The following UBXN11 variants were observed in gnomAD, a reference collection of about 807,000 sequenced individuals.
UBXN11 encodes UBX domain-containing protein 11.
Under a neutral mutation model 62.8 loss-of-function variants are expected in UBXN11, and 47 were observed. The ratio of observed to expected loss-of-function variants is 0.75; its 90% CI spans 0.59 to 0.95. UBXN11 has a LOEUF of 0.95. Among genes scored for constraint, UBXN11 ranks in the 40% least tolerant of loss-of-function variants. The probability of loss-of-function intolerance (pLI) is 0.00; values close to 1 mark genes in which losing one functional copy is unlikely to be tolerated. For synonymous variants in UBXN11, 294 were observed against 267.0 expected (o/e 1.10, Z -0.99); for missense variants, 638 against 661.7 (o/e 0.96, Z 0.39).
In UBXN11 at chr1:26,282,304, G is replaced by GGGGGCT. The variant is rs146441030; in HGVS notation, c.1552_1557dup (p.Ser518_Pro519dup). On this transcript the variant is annotated inframe_insertion, in exon 15 of 15. Transcript: ENST00000374222. Reference sequence around the variant, plus strand: ...GGGTTGAGGGGGCGGGTGCTTTATTGGGGGCTGGGACTGGGTCCAGGACAG... The same window carrying GGGGGCT: ...GGGTTGAGGGGGCGGGTGCTTTATTGGGGGCTGGGGCTGGGACTGGGTCCAGGACAG... 94 of 1,475,826 alleles carry GGGGGCT rather than the reference G, an allele frequency of 6.4e-5. No individual in the cohort carries two copies. In the African/African-American group the frequency reaches 1.4e-3, roughly 21 times the overall value. The allele number at this position is 1,475,826 out of a possible 1,614,324, so 91.4% of individuals were successfully genotyped here.
chr1:26,316,125 A>ATTTTT (rs57889417), intron 1 of UBXN11, among the ~76,000 whole-genome samples: 1 of 91,464 alleles, frequency 1.1e-5, no homozygotes, highest in Non-Finnish European at 2.1e-5. Flanking sequence ...TGCCCGGCTA[A>ATTTTT]TTTTTTTTTT....
intron 1 of UBXN11, among the ~76,000 whole-genome samples, chr1:26,316,125 A>ATTTTTT (rs57889417): frequency 1.1e-4 from 10 of 91,464 alleles, no homozygotes; most frequent in African/African-American, 3.7e-4. Flanking sequence ...TGCCCGGCTA[A>ATTTTTT]TTTTTTTTTT....
intron 8 of UBXN11, among the ~76,000 whole-genome samples, chr1:26,288,327 G>A (rs568682586): frequency 1.3e-5 from 2 of 152,274 alleles, no homozygotes; most frequent in African/African-American, 4.8e-5. Context: ...GCCAAGAAAC[G>A]ACGAAGGGGA....
chr1:26,287,107 C>A (rs573644317), intron 8 of UBXN11, among the ~76,000 whole-genome samples: 1 of 152,190 alleles, frequency 6.6e-6, no homozygotes, highest in Admixed American at 6.5e-5. Context: ...GGAAGGGAGC[C>A]GGGGCTGACT....
chr1:26,285,729 C>A, intron 9 of UBXN11, 94 bp downstream of exon 9: 6 of 1,474,646 alleles, frequency 4.1e-6, no homozygotes, highest in Non-Finnish European at 5.5e-6. Flanking sequence ...CCGTGGAGGG[C>A]AGGCTGGGCC....
intron 4 of UBXN11, among the ~76,000 whole-genome samples, chr1:26,299,815 C>T (rs1330968008): frequency 6.6e-6 from 1 of 151,840 alleles, no homozygotes; most frequent in Non-Finnish European, 1.5e-5. Context: ...AAAGAGAGAA[C>T]CTGGTTGCCA....
chr1:26,296,798 T>C (rs2073404046), intron 7 of UBXN11, 121 bp downstream of exon 7: 5 of 1,035,974 alleles, frequency 4.8e-6, no homozygotes, highest in Non-Finnish European at 7.0e-6. Flanking sequence ...GCAGGGTCCC[T>C]GGGTGGGATG....
At position 26,284,067 on chromosome 1, in the gene UBXN11, C is replaced by G; in HGVS notation, c.1077+75G>C. 7 of 1,429,506 alleles carry G rather than the reference C, an allele frequency of 4.9e-6. No individual in the cohort carries two copies. The South Asian group carries it at 9.5e-5, about 19-fold the overall frequency. The allele number at this position is 1,429,506 out of a possible 1,614,324, so 88.6% of individuals were successfully genotyped here. A position where few individuals can be genotyped will look rare whatever the true frequency, so the allele number is the denominator to read the frequency against. On this transcript the variant is annotated intron_variant, in intron 12 of 14. Coordinates refer to ENST00000374222, the MANE Select transcript of UBXN11 (RefSeq NM_001389556.1). ...CAAGCTTGAGCCTTCTGACAAGACA[C>G]TGTTCTGGCAGGCTGGACCAGGGCT...
chr1:26,298,779 A>AG (rs1301131884), intron 4 of UBXN11, among the ~76,000 whole-genome samples: 5 of 132,638 alleles, frequency 3.8e-5, no homozygotes, highest in Admixed American at 2.3e-4. Context: ...ACTCTGTCTC[A>AG]GAAAAAAAAA....
intron 1 of UBXN11, among the ~76,000 whole-genome samples, chr1:26,312,515 G>C (rs1047719400): frequency 3.3e-5 from 5 of 151,382 alleles, no homozygotes; most frequent in African/African-American, 1.2e-4. Context: ...GCCTCTCAAA[G>C]TGCTGGGATT....
At chr1:26,289,485 C>T (rs1211664865) in intron 8 of UBXN11, among the ~76,000 whole-genome samples, 1 of 152,032 alleles carries the variant, frequency 6.6e-6, no homozygotes, top group Non-Finnish European at 1.5e-5. Context: ...CCATGCTGGG[C>T]ACCCCTTGAG....
chr1:26,310,538 C>CAAAA (rs112135867), upstream of UBXN11, among the ~76,000 whole-genome samples: 1,221 of 137,914 alleles, frequency 8.9e-3, 61 homozygotes, highest in Admixed American at 0.066. Context: ...GACTCCATCT[C>CAAAA]AAAAAAAAAA....
rs140234819 is a variant in UBXN11, at chr1:26,287,962, C to T, written c.560-1925G>A. On this transcript the variant is annotated intron_variant, in intron 8 of 14. Coordinates refer to ENST00000374222, the MANE Select transcript of UBXN11 (RefSeq NM_001389556.1). Reference sequence around the variant, plus strand: ...CTCTGTCACCCAAGCTGGAGTATAGCGGCACAGTCATGATACTGCAACCGT... The same window carrying T: ...CTCTGTCACCCAAGCTGGAGTATAGTGGCACAGTCATGATACTGCAACCGT... Among the ~76,000 whole-genome samples the T allele has an allele frequency of 7.6e-3, 1,132 of 149,650 alleles. 8 individuals carry two copies. The highest frequency in any genetic ancestry group is 0.025 in the African/African-American group (1,017 of 40,520).
At chr1:26,300,446 T>C (rs985407491) in intron 4 of UBXN11, among the ~76,000 whole-genome samples, 1 of 152,194 alleles carries the variant, frequency 6.6e-6, no homozygotes, top group East Asian at 1.9e-4. Context: ...TGCCTGCCCA[T>C]GTCTCCCCTT....
intron 8 of UBXN11, among the ~76,000 whole-genome samples, chr1:26,287,047 C>G (rs1476622616): frequency 2.6e-5 from 4 of 152,132 alleles, no homozygotes; most frequent in African/African-American, 9.6e-5. Context: ...AACAGGCCCA[C>G]AGAGATGAAA....
At position 26,297,537 on chromosome 1, in the gene UBXN11, A is replaced by G. The variant is rs2073423590; in HGVS notation, c.301-56T>C. On this transcript the variant is annotated intron_variant, in intron 5 of 14. Coordinates refer to ENST00000374222, the MANE Select transcript of UBXN11 (RefSeq NM_001389556.1). The stretch of plus-strand genomic sequence containing the variant: ...GCCTGTGGTTCCCAGAGCCCTGCCC[A>G]GACAGGAAGCTCCAGAGCTTTGCCT... 2.0e-6 allele frequency: 3 copies of G among 1,487,274 alleles called. No homozygotes were observed. The East Asian group carries it at 7.5e-5, about 37-fold the overall frequency. 92.1% of individuals were successfully genotyped at this position (1,487,274 alleles called of 1,614,324 possible). A position where few individuals can be genotyped will look rare whatever the true frequency, so the allele number is the denominator to read the frequency against.
At chr1:26,300,824 C>A (rs371897174) in intron 4 of UBXN11, 102 bp downstream of exon 4, 1 of 1,567,880 alleles carries the variant, frequency 6.4e-7, no homozygotes. Flanking sequence ...CTGCCTCAGA[C>A]CAAACAGGCG....
At position 26,296,936 on chromosome 1, in the gene UBXN11, G is replaced by T. The variant is rs1326274529; in HGVS notation, c.415C>A (p.Gln139Lys). ...LETMCVQLQR[Q>K]VREMERFLSD... ...TCTCTCACCTCCATCTCCCTGACCT[G>T]CCGCTGCAGCTGCACACACATCGTC... The change falls in exon 7 of 15, where the codon CAG becomes AAG. Residue 139 changes from glutamine to lysine, a missense_variant. Gln to Lys is a moderately conservative substitution (Grantham distance 53). Coordinates refer to ENST00000374222, the MANE Select transcript of UBXN11 (RefSeq NM_001389556.1). 3 of 1,606,794 alleles carry T rather than the reference G, an allele frequency of 1.9e-6. No individual in the cohort carries two copies. The African/African-American group carries it at 4.0e-5, about 21-fold the overall frequency.
At chr1:26,301,088 GGCCCTCGCCAGTGTGAC>G in intron 3 of UBXN11, 64 bp from the exon 4 acceptor site, 60 of 1,611,688 alleles carry the variant, frequency 3.7e-5, no homozygotes, top group Non-Finnish European at 5.1e-5. Flanking sequence ...TCAGGCCCTG[GGCCCTCGCCAGTGTGAC>G]GCGGCCTATG....
Sources: allele counts gnomAD v4.1 joint callset (sites outside exome capture counted in the v4.1 genomes callset), GRCh38; gene constraint gnomAD v4.1.1; transcripts MANE v1.5; gene names NCBI Gene and HGNC (gene_info 2026-07-23, HGNC 2026-07-21).